The following MSH3 variants were observed in gnomAD, a reference collection of about 807,000 sequenced individuals.
MSH3 encodes mutS homolog 3.
A neutral mutation model predicts 123.3 loss-of-function variants in MSH3; 106 were observed. The ratio of observed to expected loss-of-function variants is 0.86; its 90% CI spans 0.73 to 1.01. The LOEUF (loss-of-function observed/expected upper bound fraction) is 1.01, where lower values mean the gene tolerates loss of function less well. Among genes scored for constraint, MSH3 ranks in the 50% least tolerant of loss-of-function variants. MSH3 has a pLI of 0.00. For synonymous variants in MSH3, 515 were observed against 481.4 expected, an observed-to-expected ratio of 1.07 and a Z score of -0.91; for missense variants, 1,459 against 1,347.6, an observed-to-expected ratio of 1.08 and a Z score of -1.29.
At chr5:80,871,385 A>G (rs1299640577) in intron 22 of MSH3, among the ~76,000 whole-genome samples, 1 of 152,246 alleles carries the variant, frequency 6.6e-6, no homozygotes, top group Non-Finnish European at 1.5e-5. Flanking sequence ...TCAGGAGTCC[A>G]GGTGCAACTT....
intron 19 of MSH3, among the ~76,000 whole-genome samples, chr5:80,807,190 C>CAAAA (rs34405208): frequency 1.4e-4 from 13 of 91,412 alleles, no homozygotes; most frequent in African/African-American, 3.9e-4. Flanking sequence ...TACCCTGTCT[C>CAAAA]AAAAAAAAAA....
chr5:80,654,708 G>C lies in MSH3; in HGVS notation c.-20G>C, dbSNP rs2112796719. On this transcript the variant is annotated 5_prime_UTR_variant, in exon 1 of 24. Transcript: ENST00000265081. ...GCTCCTCGCCAGGCCCTGCCGCCGG[G>C]CTGCCATCCTTGCCCTGCCATGTCT... 1.3e-6 allele frequency: 2 copies of C among 1,583,408 alleles called. No homozygotes were observed. The highest frequency in any genetic ancestry group is 1.7e-6 in the Non-Finnish European group (2 of 1,167,906).
intron 12 of MSH3, among the ~76,000 whole-genome samples, chr5:80,747,359 A>G (rs1278656653): frequency 2.0e-5 from 3 of 152,136 alleles, no homozygotes; most frequent in Non-Finnish European, 2.9e-5. Flanking sequence ...CGAATCATGT[A>G]TCTCTGGGGA....
At chr5:80,862,962 G>A (rs918576054) in intron 21 of MSH3, among the ~76,000 whole-genome samples, 5 of 152,146 alleles carry the variant, frequency 3.3e-5, no homozygotes, top group Admixed American at 6.5e-5. Context: ...AAAACCTTTG[G>A]ATGAAAGATT....
intron 19 of MSH3, among the ~76,000 whole-genome samples, chr5:80,806,581 A>G (rs955242622): frequency 3.3e-5 from 5 of 152,174 alleles, no homozygotes; most frequent in African/African-American, 1.2e-4. Context: ...TTCACTGGTC[A>G]GTGTTTGTGT....
intron 8 of MSH3, among the ~76,000 whole-genome samples, chr5:80,690,656 T>C (rs1425438619): frequency 6.6e-6 from 1 of 152,158 alleles, no homozygotes; most frequent in East Asian, 1.9e-4. Context: ...ATTTTTCTCA[T>C]TAAACTTTAA....
intron 8 of MSH3, among the ~76,000 whole-genome samples, chr5:80,690,908 A>G (rs1028692784): frequency 6.6e-6 from 1 of 152,038 alleles, no homozygotes; most frequent in Non-Finnish European, 1.5e-5. Context: ...TTTCAGTTTT[A>G]TCTGTTTATA....
chr5:80,741,314 G>A, intron 10 of MSH3, 150 bp from the exon 11 acceptor site: 2 of 654,318 alleles, frequency 3.1e-6, no homozygotes, highest in Non-Finnish European at 5.5e-6. Flanking sequence ...ACAACAGCCT[G>A]ATGAATTTTC....
intron 16 of MSH3, among the ~76,000 whole-genome samples, chr5:80,776,783 G>A (rs16878166): frequency 0.11 from 17,077 of 150,934 alleles, 1,036 homozygotes; most frequent in African/African-American, 0.16. Flanking sequence ...AAGAGGGACC[G>A]TAGCTGGTAA....
intron 8 of MSH3, among the ~76,000 whole-genome samples, chr5:80,687,378 A>T (rs972476787): frequency 2.0e-5 from 3 of 152,240 alleles, no homozygotes. Flanking sequence ...TTAGAAAGCG[A>T]TAAACAAATA....
chr5:80,794,192 T>G (rs912736751), intron 19 of MSH3, among the ~76,000 whole-genome samples: 3 of 152,238 alleles, frequency 2.0e-5, no homozygotes, highest in Non-Finnish European at 2.9e-5. Context: ...GCAAGCTTTC[T>G]AAGGTAACTG....
At chr5:80,734,410 A>G (rs529177274) in intron 10 of MSH3, among the ~76,000 whole-genome samples, 1 of 152,302 alleles carries the variant, frequency 6.6e-6, no homozygotes, top group South Asian at 2.1e-4. Context: ...ACTAAATACC[A>G]CTTAATTGCA....
intron 22 of MSH3, among the ~76,000 whole-genome samples, chr5:80,868,543 A>G (rs1746143847): frequency 6.7e-6 from 1 of 148,470 alleles, no homozygotes; most frequent in African/African-American, 2.5e-5. Flanking sequence ...TGCATGTTTC[A>G]CTTATAAGTG....
intron 8 of MSH3, among the ~76,000 whole-genome samples, chr5:80,713,966 G>T (rs1750906015): frequency 6.6e-6 from 1 of 151,982 alleles, no homozygotes; most frequent in Non-Finnish European, 1.5e-5. Flanking sequence ...AGGAAATCAA[G>T]ACTGACAGTT....
chr5:80,729,480 A>ATATATATAT (rs1743372726), intron 10 of MSH3, among the ~76,000 whole-genome samples: 1 of 149,340 alleles, frequency 6.7e-6, no homozygotes, highest in Admixed American at 6.7e-5. Context: ...ATATATATAT[A>ATATATATAT]AAGAATTCTG....
At chr5:80,681,643 T>C (rs1749970961) in intron 8 of MSH3, among the ~76,000 whole-genome samples, 1 of 151,254 alleles carries the variant, frequency 6.6e-6, no homozygotes, top group African/African-American at 2.4e-5. Context: ...AGTATATATT[T>C]TATTAACTTA....
intron 8 of MSH3, among the ~76,000 whole-genome samples, chr5:80,721,846 A>G (rs1403236093): frequency 6.6e-6 from 1 of 152,126 alleles, no homozygotes; most frequent in Non-Finnish European, 1.5e-5. Flanking sequence ...ATTTATTTCT[A>G]CTTTTCATAA....
rs115461942 is a variant in MSH3 at position 80,724,512 on chromosome 5, G to A, written c.1341-941G>A. Among the ~76,000 whole-genome samples the A allele has an allele frequency of 8.3e-3, 1,271 of 152,246 alleles. 18 individuals are homozygous for A. The highest frequency in any genetic ancestry group is 0.028 in the African/African-American group (1,167 of 41,542). Reference sequence around the variant, plus strand: ...GGAGTGAGATGATAAAGAAAGAAGAGAAGGAGGACAGAATAGGGAGTCAAA... The same window carrying A: ...GGAGTGAGATGATAAAGAAAGAAGAAAAGGAGGACAGAATAGGGAGTCAAA... On this transcript the variant is annotated intron_variant, in intron 8 of 23. Transcript: ENST00000265081.
intron 16 of MSH3, among the ~76,000 whole-genome samples, chr5:80,776,911 AATAT>A (rs1300433748): frequency 1.4e-5 from 2 of 141,034 alleles, no homozygotes; most frequent in African/African-American, 5.2e-5. Flanking sequence ...ATATAATACA[AATAT>A]ATATATATAT....
Sources: allele counts gnomAD v4.1 joint callset (sites outside exome capture counted in the v4.1 genomes callset), GRCh38; gene constraint gnomAD v4.1.1; transcripts MANE v1.5; gene names NCBI Gene and HGNC (gene_info 2026-07-23, HGNC 2026-07-21).